P3H2: variants seen among roughly 807,000 people sequenced by gnomAD.
P3H2 encodes prolyl 3-hydroxylase 2.
Under a neutral mutation model 87.0 loss-of-function variants are expected in P3H2, and 80 were observed. The observed-to-expected ratio is 0.92, with a 90% CI of 0.77 to 1.11. The LOEUF (loss-of-function observed/expected upper bound fraction) is 1.11, where lower values mean the gene tolerates loss of function less well. P3H2 is among the 50% of genes least tolerant of loss of function. P3H2 has a pLI of 0.00. For synonymous variants in P3H2, 367 were observed against 359.3 expected (o/e 1.02, Z -0.24); for missense variants, 1,001 against 923.9 (o/e 1.08, Z -1.08).
intron 1 of P3H2, among the ~76,000 whole-genome samples, chr3:190,080,737 T>C (rs554096050): frequency 6.6e-6 from 1 of 152,040 alleles, no homozygotes; most frequent in Admixed American, 6.6e-5. Context: ...CAACTGTAGA[T>C]GGTGTCTGTA....
chr3:190,043,758 G>A (rs1238315642), intron 1 of P3H2, among the ~76,000 whole-genome samples: 1 of 152,114 alleles, frequency 6.6e-6, no homozygotes, highest in East Asian at 1.9e-4. Context: ...AAACAATAAT[G>A]AGAGTAGGAA....
At chr3:190,071,252 A>C (rs1463409346) in intron 1 of P3H2, among the ~76,000 whole-genome samples, 1 of 152,238 alleles carries the variant, frequency 6.6e-6, no homozygotes, top group South Asian at 2.1e-4. Flanking sequence ...CAAAGGGCCT[A>C]CATTAATTTT....
chr3:189,992,955 G>T (rs949142928), intron 3 of P3H2, among the ~76,000 whole-genome samples: 1 of 152,054 alleles, frequency 6.6e-6, no homozygotes, highest in Non-Finnish European at 1.5e-5. Flanking sequence ...TTGGTTTATC[G>T]TATAAATCTG....
intron 1 of P3H2, among the ~76,000 whole-genome samples, chr3:190,074,173 G>T (rs1450723416): frequency 2.0e-5 from 3 of 152,120 alleles, no homozygotes; most frequent in African/African-American, 7.2e-5. Context: ...ACTTAATCTT[G>T]AGATCCCATT....
In P3H2 at chr3:189,972,014, GA is replaced by G; in HGVS notation, c.1700-8del. The G allele has an allele frequency of 6.5e-7, 1 of 1,550,016 alleles. No homozygotes were observed. The highest frequency in any genetic ancestry group is 8.9e-7 in the Non-Finnish European group (1 of 1,121,724). On this transcript the variant is annotated splice_polypyrimidine_tract_variant and splice_region_variant and intron_variant, in intron 11 of 14. Coordinates refer to ENST00000319332, the MANE Select transcript of P3H2 (RefSeq NM_018192.4). ...TTTCTTCTATCCTGCTGACCTGCCAGAAAAGGGAATAGGGAAGAACGAGAAA... is the reference window on the plus strand; with the variant it reads ...TTTCTTCTATCCTGCTGACCTGCCAGAAAGGGAATAGGGAAGAACGAGAAA...
chr3:190,014,390 T>C (rs1354665528), intron 1 of P3H2, among the ~76,000 whole-genome samples: 1 of 152,210 alleles, frequency 6.6e-6, no homozygotes, highest in African/African-American at 2.4e-5. Context: ...AGGCTCTACC[T>C]AAAGGAGCAG....
chr3:189,966,774 G>GCCGCT (rs1723020005), intron 13 of P3H2, among the ~76,000 whole-genome samples: 1 of 152,136 alleles, frequency 6.6e-6, no homozygotes, highest in South Asian at 2.1e-4. Flanking sequence ...ACAAACAAAT[G>GCCGCT]CCGCTATTGA....
intron 1 of P3H2, among the ~76,000 whole-genome samples, chr3:190,108,195 T>A (rs1443969977): frequency 6.6e-6 from 1 of 152,024 alleles, no homozygotes; most frequent in Non-Finnish European, 1.5e-5. Context: ...TCTGTCACCC[T>A]GGCTATAGTG....
chr3:190,008,244 C>CG (rs754389862), intron 1 of P3H2, among the ~76,000 whole-genome samples: 1 of 151,956 alleles, frequency 6.6e-6, no homozygotes, highest in Non-Finnish European at 1.5e-5. Flanking sequence ...GTGCCTGAGA[C>CG]TAAGTGGACA....
chr3:190,052,249 A>AC (rs1358253012), intron 1 of P3H2, among the ~76,000 whole-genome samples: 1 of 150,180 alleles, frequency 6.7e-6, no homozygotes, highest in Admixed American at 6.7e-5. Flanking sequence ...CTTGCCCCTC[A>AC]CCCCCCGACA....
chr3:190,003,275 T>C (rs1184988053), intron 1 of P3H2, among the ~76,000 whole-genome samples: 1 of 152,174 alleles, frequency 6.6e-6, no homozygotes, highest in Non-Finnish European at 1.5e-5. Flanking sequence ...AGTCTTGATG[T>C]TTACATTTTA....
intron 14 of P3H2, among the ~76,000 whole-genome samples, chr3:189,960,380 T>A (rs1722777661): frequency 1.3e-5 from 2 of 152,212 alleles, no homozygotes; most frequent in African/African-American, 4.8e-5. Context: ...GGGCATCTTA[T>A]CTTCTTGGTC....
intron 1 of P3H2, among the ~76,000 whole-genome samples, chr3:190,068,320 G>A (rs1726580208): frequency 6.6e-6 from 1 of 152,078 alleles, no homozygotes; most frequent in Non-Finnish European, 1.5e-5. Flanking sequence ...AGAAGCCTGG[G>A]AAATCTACCT....
intron 3 of P3H2, 70 bp downstream of exon 3, chr3:189,994,024 A>T: frequency 8.6e-7 from 1 of 1,169,430 alleles, no homozygotes; most frequent in Non-Finnish European, 1.3e-6. Flanking sequence ...TTGCTGGAAT[A>T]GTTTTTTACA....
At chr3:190,096,524 A>T (rs1236314692) in intron 1 of P3H2, among the ~76,000 whole-genome samples, 1 of 152,148 alleles carries the variant, frequency 6.6e-6, no homozygotes, top group East Asian at 1.9e-4. Flanking sequence ...TTTCTTCATA[A>T]ATGACCCAGT....
chr3:189,957,028 A>C lies in P3H2; in HGVS notation c.*884T>G, dbSNP rs915795593. 5.0e-6 allele frequency: 2 copies of C among 398,282 alleles called. No individual in the cohort carries two copies. Among genetic ancestry groups the C allele is most frequent in the Non-Finnish European group, 8.9e-6 (2 of 225,960 alleles). 24.7% of individuals were successfully genotyped at this position (398,282 alleles called of 1,614,324 possible). A position where few individuals can be genotyped will look rare whatever the true frequency, so the allele number is the denominator to read the frequency against. On this transcript the variant is annotated 3_prime_UTR_variant, in exon 15 of 15. Transcript: ENST00000319332. ...TTTTAAAGTGTACAACTTATAGGAC[A>C]GTCCTTTCTGGAGTACTGTGGAGGG...
intron 1 of P3H2, among the ~76,000 whole-genome samples, chr3:190,039,159 A>C (rs1411351836): frequency 6.6e-6 from 1 of 150,400 alleles, no homozygotes; most frequent in Admixed American, 6.7e-5. Flanking sequence ...ATTGCACTCT[A>C]GCCTGGACAA....
chr3:190,026,422 G>T (rs1228387994), intron 1 of P3H2, among the ~76,000 whole-genome samples: 2 of 152,154 alleles, frequency 1.3e-5, no homozygotes, highest in Non-Finnish European at 2.9e-5. Flanking sequence ...AAAACAGCTT[G>T]CAGTAAAAAC....
At chr3:189,981,037 G>A (rs1303200153) in intron 8 of P3H2, among the ~76,000 whole-genome samples, 1 of 152,200 alleles carries the variant, frequency 6.6e-6, no homozygotes, top group East Asian at 1.9e-4. Context: ...TGGGAGGGTG[G>A]TTTGCCCATG....
Sources: gnomAD v4.1 joint callset for allele counts (sites outside exome capture counted in the v4.1 genomes callset) on GRCh38, gnomAD v4.1.1 for gene constraint, MANE v1.5 for transcripts, NCBI Gene and HGNC (gene_info 2026-07-23, HGNC 2026-07-21) for gene names.